The following RBFOX1 variants were observed in gnomAD, a reference collection of about 807,000 sequenced individuals.
RBFOX1 encodes RNA binding fox-1 homolog 1, also known as RNA binding protein fox-1 homolog 1.
Under a neutral mutation model 57.7 loss-of-function variants are expected in RBFOX1, and 8 were observed. The observed-to-expected ratio is 0.14, with a 90% confidence interval of 0.08 to 0.25. The LOEUF (loss-of-function observed/expected upper bound fraction) is 0.25, where lower values mean the gene tolerates loss of function less well. RBFOX1 is among the 10% of genes least tolerant of loss of function. The pLI, the probability that RBFOX1 is intolerant of heterozygous loss-of-function variation, is 1.00. For missense variants in RBFOX1, 611 were observed against 548.5 expected (o/e 1.11, Z -1.14); for synonymous variants, 326 against 222.4 (o/e 1.47, Z -4.15).
intron 1 of RBFOX1, among the ~76,000 whole-genome samples, chr16:5,309,079 C>T (rs1036844100): frequency 6.6e-6 from 1 of 152,146 alleles, no homozygotes; most frequent in African/African-American, 2.4e-5. Flanking sequence ...AAACACACTC[C>T]ACGAATTTGT....
chr16:7,485,555 C>T (rs72773028), intron 4 of RBFOX1, among the ~76,000 whole-genome samples: 15,176 of 152,206 alleles, frequency 0.1, 802 homozygotes, highest in Non-Finnish European at 0.12. Flanking sequence ...TGGGCTGAAG[C>T]AGTTCTCAAC....
intron 3 of RBFOX1, among the ~76,000 whole-genome samples, chr16:6,962,381 C>T (rs541803300): frequency 1.3e-5 from 2 of 152,146 alleles, no homozygotes; most frequent in African/African-American, 2.4e-5. Flanking sequence ...GTTAGGACTT[C>T]GACTTATCTT....
At chr16:7,455,488 A>T (rs550616391) in intron 4 of RBFOX1, among the ~76,000 whole-genome samples, 5 of 152,258 alleles carry the variant, frequency 3.3e-5, no homozygotes, top group East Asian at 3.9e-4. Flanking sequence ...TGGGGATAAT[A>T]TAAGAAATCT....
intron 3 of RBFOX1, among the ~76,000 whole-genome samples, chr16:5,775,340 T>C (rs963635618): frequency 2.0e-5 from 3 of 152,176 alleles, no homozygotes; most frequent in Non-Finnish European, 2.9e-5. Flanking sequence ...TTTCTGGGCC[T>C]GATGTTATAC....
intron 2 of RBFOX1, among the ~76,000 whole-genome samples, chr16:6,565,137 A>G (rs2097242837): frequency 6.6e-6 from 1 of 152,116 alleles, no homozygotes; most frequent in South Asian, 2.1e-4. Flanking sequence ...AAAAAAAAAA[A>G]AAAAAAAGCA....
chr16:7,202,700 A>T (rs1362531858), intron 4 of RBFOX1, among the ~76,000 whole-genome samples: 1 of 152,128 alleles, frequency 6.6e-6, no homozygotes, highest in Non-Finnish European at 1.5e-5. Flanking sequence ...CTCTTTTGTG[A>T]ACTCTGCATG....
intron 1 of RBFOX1, among the ~76,000 whole-genome samples, chr16:6,124,076 G>T (rs1033017900): frequency 1.3e-5 from 2 of 152,204 alleles, no homozygotes; most frequent in Non-Finnish European, 2.9e-5. Context: ...ATAGGCTGGA[G>T]ACTGGTAACT....
chr16:5,412,615 G>T (rs1282016148), intron 1 of RBFOX1, among the ~76,000 whole-genome samples: 4 of 152,204 alleles, frequency 2.6e-5, no homozygotes, highest in African/African-American at 7.2e-5. Context: ...GAGGTGGTCA[G>T]ATGCGAGAAC....
At chr16:5,530,260 C>T (rs1359145429) in intron 2 of RBFOX1, among the ~76,000 whole-genome samples, 3 of 152,158 alleles carry the variant, frequency 2.0e-5, no homozygotes, top group African/African-American at 7.2e-5. Flanking sequence ...GGCTGCAACA[C>T]CACTATCTCC....
At chr16:6,963,750 G>A (rs890180584) in intron 3 of RBFOX1, among the ~76,000 whole-genome samples, 20 of 152,086 alleles carry the variant, frequency 1.3e-4, no homozygotes, top group African/African-American at 4.8e-4. Context: ...CCAGGCTGGA[G>A]TGCATTGGCG....
At chr16:6,290,324 G>GT (rs2077343134) in intron 1 of RBFOX1, among the ~76,000 whole-genome samples, 1 of 150,660 alleles carries the variant, frequency 6.6e-6, no homozygotes, top group African/African-American at 2.4e-5. Flanking sequence ...GTAACCTGTG[G>GT]TTTTAAGGAA....
At chr16:6,608,951 A>C (rs1395108708) in intron 2 of RBFOX1, among the ~76,000 whole-genome samples, 1 of 152,102 alleles carries the variant, frequency 6.6e-6, no homozygotes, top group Admixed American at 6.5e-5. Context: ...CTTGGGTCAC[A>C]GCCTTTTCCA....
intron 1 of RBFOX1, among the ~76,000 whole-genome samples, chr16:5,377,002 C>G (rs1396617035): frequency 2.0e-5 from 3 of 151,006 alleles, no homozygotes; most frequent in Admixed American, 6.6e-5. Flanking sequence ...GCTAAATAAA[C>G]TACCTGTACT....
chr16:6,037,165 T>C (rs1261050498), intron 1 of RBFOX1: 1 of 152,134 alleles, frequency 6.6e-6, no homozygotes, highest in Non-Finnish European at 1.5e-5. Flanking sequence ...TATTTAGAAA[T>C]TATCAGAAAA....
At chr16:5,247,177 G>A (rs1469539045) in intron 1 of RBFOX1, among the ~76,000 whole-genome samples, 3 of 152,202 alleles carry the variant, frequency 2.0e-5, no homozygotes, top group African/African-American at 7.2e-5. Context: ...GGCCAGTTGG[G>A]GGAGGAGGGG....
Position 6,947,470 on chromosome 16 carries a change from G to T in RBFOX1, c.-15-104587G>T, listed in dbSNP as rs1427190764. ...GTATTTCATCCGGCTGAGAACATAT[G>T]TTCTTGGGAAGGATGTAGGAACACC... is the stretch of plus-strand genomic sequence containing the variant. On this transcript the variant is annotated intron_variant, in intron 3 of 15. Transcript: ENST00000550418. Among the ~76,000 whole-genome samples the T allele has an allele frequency of 4.6e-5, 7 of 152,302 alleles. No individual in the cohort carries two copies. In the East Asian group the frequency reaches 1.4e-3, roughly 30 times the overall value.
chr16:7,117,100 T>G (rs2066075259), intron 4 of RBFOX1, among the ~76,000 whole-genome samples: 1 of 152,054 alleles, frequency 6.6e-6, no homozygotes, highest in Non-Finnish European at 1.5e-5. Flanking sequence ...ATGATATATC[T>G]GCAAAACTGG....
chr16:7,518,380 C>T lies in RBFOX1; in HGVS notation c.261C>T (p.Gly87=), dbSNP rs755981964. Residue 87 remains glycine (G), a synonymous_variant, in exon 5 of 16, where the codon GGC becomes GGT. Coordinates refer to ENST00000550418, the MANE Select transcript of RBFOX1 (RefSeq NM_018723.4). ...ACACGAGCGCTCAGACCGTCTCTGG[C>T]ACCGCCACAGTAAGTGGACGTGTTT... is the stretch of plus-strand genomic sequence containing the variant. ...PADTSAQTVS[G]TATQTDDAAP... is the part of the protein sequence containing the mutation. 6.2e-6 allele frequency: 10 copies of T among 1,609,218 alleles called. No individual in the cohort carries two copies. The highest frequency in any genetic ancestry group is 2.2e-5 in the South Asian group (2 of 90,620).
intron 3 of RBFOX1, among the ~76,000 whole-genome samples, chr16:5,669,997 T>A (rs1347857958): frequency 6.6e-6 from 1 of 152,238 alleles, no homozygotes; most frequent in Non-Finnish European, 1.5e-5. Context: ...GAGTATTTTT[T>A]ATCCATAAAA....
Sources: gnomAD v4.1 joint callset for allele counts (sites outside exome capture counted in the v4.1 genomes callset) on GRCh38, gnomAD v4.1.1 for gene constraint, MANE v1.5 for transcripts, NCBI Gene and HGNC (gene_info 2026-07-23, HGNC 2026-07-21) for gene names.